The following NPR3 variants were observed in gnomAD, a reference collection of about 807,000 sequenced individuals.
The protein encoded by NPR3 is natriuretic peptide receptor 3.
Under a neutral mutation model 54.5 loss-of-function variants are expected in NPR3, and 34 were observed. That is an observed-to-expected ratio of 0.62 (90% CI 0.47 to 0.83). The LOEUF is 0.83. NPR3 is among the 40% of genes least tolerant of loss of function. The probability of loss-of-function intolerance (pLI) is 0.00; values close to 1 mark genes in which losing one functional copy is unlikely to be tolerated. For synonymous variants in NPR3, 289 were observed against 297.1 expected (o/e 0.97, Z 0.28); for missense variants, 674 against 720.8 (o/e 0.94, Z 0.74).
intron 1 of NPR3, among the ~76,000 whole-genome samples, chr5:32,716,996 A>AAACCCCCCCCCC (rs1561079842): frequency 2.1e-4 from 23 of 109,706 alleles, no homozygotes; most frequent in Admixed American, 3.0e-4. Context: ...CCATCCCCCA[A>AAACCCCCCCCCC]CCCCCCCACC....
intron 1 of NPR3, among the ~76,000 whole-genome samples, chr5:32,693,431 T>G (rs1179472094): frequency 6.6e-6 from 1 of 152,184 alleles, no homozygotes; most frequent in African/African-American, 2.4e-5. Flanking sequence ...GAATGCAGGA[T>G]TGAAGAAAAA....
intron 2 of NPR3, among the ~76,000 whole-genome samples, chr5:32,730,847 C>G (rs1233220744): frequency 6.6e-6 from 1 of 152,030 alleles, no homozygotes; most frequent in Non-Finnish European, 1.5e-5. Flanking sequence ...AGAGACATAC[C>G]TTGTTCATGA....
At chr5:32,764,062 G>A (rs999998703) in intron 3 of NPR3, among the ~76,000 whole-genome samples, 1 of 152,156 alleles carries the variant, frequency 6.6e-6, no homozygotes, top group Admixed American at 6.5e-5. Flanking sequence ...CCTCTAGCTT[G>A]GTGGGGTTCA....
chr5:32,776,243 A>C (rs925746186), intron 4 of NPR3, among the ~76,000 whole-genome samples: 12 of 152,258 alleles, frequency 7.9e-5, no homozygotes, highest in Non-Finnish European at 1.0e-4. Context: ...TCATAGATCC[A>C]ATGCAGTTTT....
At chr5:32,735,387 T>C (rs1427614729) in intron 2 of NPR3, among the ~76,000 whole-genome samples, 1 of 151,936 alleles carries the variant, frequency 6.6e-6, no homozygotes, top group African/African-American at 2.4e-5. Flanking sequence ...TCACGCACAG[T>C]GCTCTGCCTT....
intron 3 of NPR3, among the ~76,000 whole-genome samples, chr5:32,763,479 T>G (rs1007886155): frequency 7.3e-5 from 11 of 150,236 alleles, no homozygotes; most frequent in African/African-American, 2.7e-4. Flanking sequence ...TCAGCTAATT[T>G]TTTTTTTTTT....
chr5:32,776,805 A>G (rs1344402198), intron 4 of NPR3, among the ~76,000 whole-genome samples: 1 of 152,162 alleles, frequency 6.6e-6, no homozygotes, highest in Non-Finnish European at 1.5e-5. Flanking sequence ...CAATGAATAC[A>G]GTATATCTTT....
intron 1 of NPR3, among the ~76,000 whole-genome samples, chr5:32,698,210 G>T (rs546098272): frequency 6.6e-6 from 1 of 151,916 alleles, no homozygotes; most frequent in South Asian, 2.1e-4. Flanking sequence ...TGTTTCAAGA[G>T]ATTTAAAAAT....
intron 1 of NPR3, among the ~76,000 whole-genome samples, chr5:32,716,996 AC>A (rs548182198): frequency 0.35 from 37,930 of 109,194 alleles, 4,130 homozygotes; most frequent in Non-Finnish European, 0.38. Context: ...CCATCCCCCA[AC>A]CCCCCCACCC....
At chr5:32,771,507 C>G (rs529640741) in intron 3 of NPR3, among the ~76,000 whole-genome samples, 1 of 151,874 alleles carries the variant, frequency 6.6e-6, no homozygotes, top group Non-Finnish European at 1.5e-5. Context: ...TGGATTGTAG[C>G]GGGGGCAGCT....
Position 32,724,811 on chromosome 5 carries a change from T to A in NPR3, c.883T>A (p.Ser295Thr). The A allele has an allele frequency of 6.2e-7, 1 of 1,613,894 alleles. No homozygotes were observed. The highest frequency in any genetic ancestry group is 8.5e-7 in the Non-Finnish European group (1 of 1,179,850). Reference sequence around the variant, plus strand: ...CTTCAACATTGAGCTCTTCAACAGCTCTTCCTATGGTAACTCTGCTTCCAC... The same window carrying A: ...CTTCAACATTGAGCTCTTCAACAGCACTTCCTATGGTAACTCTGCTTCCAC... ...AFFNIELFNSSSYGDGSWKRG... is the reference protein window; with the variant it reads ...AFFNIELFNSTSYGDGSWKRG... Residue 295 changes from serine to threonine, a missense_variant, in exon 2 of 8, where the codon TCT becomes ACT. Physicochemically the swap from Ser to Thr is moderately conservative, Grantham distance 58. Transcript: ENST00000265074.
intron 3 of NPR3, 123 bp downstream of exon 3, chr5:32,739,153 C>A: frequency 2.2e-6 from 2 of 898,510 alleles, no homozygotes; most frequent in Non-Finnish European, 3.3e-6. Context: ...GTCTGAATGT[C>A]ACTGTTGCCT....
At chr5:32,777,122 A>T (rs1007417307) in intron 4 of NPR3, among the ~76,000 whole-genome samples, 2 of 152,214 alleles carry the variant, frequency 1.3e-5, no homozygotes, top group Admixed American at 6.5e-5. Context: ...ATGGGGCCAG[A>T]TCATGCGGAC....
At position 32,783,036 on chromosome 5, in the gene NPR3, T is replaced by C. The variant is rs1742422407; in HGVS notation, c.1426+8T>C. 2 of 1,593,834 alleles carry C rather than the reference T, an allele frequency of 1.3e-6. No homozygotes were observed. Among genetic ancestry groups the C allele is most frequent in the Non-Finnish European group, 1.7e-6 (2 of 1,168,942 alleles). The stretch of plus-strand genomic sequence containing the variant: ...GCTCTCCCTGCAAATCATGTAAGTC[T>C]GGAGACTTAATTTGCTATGTATGTC... On this transcript the variant is annotated splice_region_variant and intron_variant, in intron 6 of 7. Coordinates refer to ENST00000265074, the MANE Select transcript of NPR3 (RefSeq NM_001204375.2).
chr5:32,714,648 T>C (rs1304978718), intron 1 of NPR3, among the ~76,000 whole-genome samples: 1 of 152,148 alleles, frequency 6.6e-6, no homozygotes, highest in Non-Finnish European at 1.5e-5. Flanking sequence ...TATTTAGAAA[T>C]AGGAAACAAA....
chr5:32,778,129 A>G (rs1040553952), intron 4 of NPR3, among the ~76,000 whole-genome samples: 5 of 152,038 alleles, frequency 3.3e-5, no homozygotes, highest in Admixed American at 1.3e-4. Flanking sequence ...CATGGGTTAA[A>G]TTTTCCCATA....
chr5:32,737,452 A>G (rs532888769), intron 2 of NPR3, among the ~76,000 whole-genome samples: 2 of 152,330 alleles, frequency 1.3e-5, no homozygotes, highest in African/African-American at 4.8e-5. Flanking sequence ...CAGGAAGAGT[A>G]GAGTGAGTGC....
At chr5:32,759,927 A>G (rs991128832) in intron 3 of NPR3, among the ~76,000 whole-genome samples, 1 of 152,058 alleles carries the variant, frequency 6.6e-6, no homozygotes, top group Admixed American at 6.6e-5. Context: ...AATGTTGAAT[A>G]TTGGCCCCCA....
intron 4 of NPR3, among the ~76,000 whole-genome samples, 174 bp from the exon 5 acceptor site, chr5:32,780,548 C>T (rs1036690437): frequency 6.6e-6 from 1 of 152,100 alleles, no homozygotes; most frequent in Non-Finnish European, 1.5e-5. Flanking sequence ...AATGCAGACG[C>T]AGATGAAATT....
Sources: allele counts gnomAD v4.1 joint callset (sites outside exome capture counted in the v4.1 genomes callset), GRCh38; gene constraint gnomAD v4.1.1; transcripts MANE v1.5; gene names NCBI Gene and HGNC (gene_info 2026-07-23, HGNC 2026-07-21).